Variants in NMNAT3 observed in about 807,000 individuals in gnomAD.
NMNAT3 encodes the protein nicotinamide nucleotide adenylyltransferase 3.
Under a neutral mutation model 24.8 loss-of-function variants are expected in NMNAT3, and 21 were observed. That is an observed-to-expected ratio of 0.85 (90% confidence interval 0.60 to 1.22). The LOEUF is 1.22. Ranked by LOEUF, NMNAT3 falls within the 50% of genes most tolerant of loss-of-function variation. NMNAT3 has a pLI of 0.00. For missense variants in NMNAT3, 387 were observed against 436.6 expected (o/e 0.89, Z 1.01); for synonymous variants, 136 against 155.2 (o/e 0.88, Z 0.92).
At chr3:139,599,549 A>G (rs1346108269) in intron 3 of NMNAT3, 1 of 609,620 alleles carries the variant, frequency 1.6e-6, no homozygotes. Context: ...GCATGTTAAG[A>G]AAAAACATAA....
At chr3:139,588,050 T>C (rs2054012592) in intron 3 of NMNAT3, among the ~76,000 whole-genome samples, 2 of 152,012 alleles carry the variant, frequency 1.3e-5, no homozygotes, top group African/African-American at 4.8e-5. Context: ...TCAATAAAAA[T>C]AACAATTTGA....
intron 3 of NMNAT3, among the ~76,000 whole-genome samples, chr3:139,624,983 G>A (rs1478560400): frequency 6.6e-6 from 1 of 152,066 alleles, no homozygotes; most frequent in Non-Finnish European, 1.5e-5. Context: ...ATTTCTCCTT[G>A]CAATTCTATA....
intron 6 of NMNAT3, among the ~76,000 whole-genome samples, chr3:139,573,270 TA>T (rs1243144380): frequency 6.6e-6 from 1 of 152,178 alleles, no homozygotes; most frequent in Non-Finnish European, 1.5e-5. Flanking sequence ...CTAAGGCTTT[TA>T]AAAGAAACCC....
chr3:139,631,308 C>T (rs537932921), intron 2 of NMNAT3, among the ~76,000 whole-genome samples: 32 of 152,192 alleles, frequency 2.1e-4, no homozygotes, highest in East Asian at 9.7e-4. Flanking sequence ...CCAAACCCAG[C>T]GAAATACAGT....
At chr3:139,611,866 A>T (rs999175023) in intron 3 of NMNAT3, among the ~76,000 whole-genome samples, 95 of 152,226 alleles carry the variant, frequency 6.2e-4, no homozygotes, top group Admixed American at 6.1e-3. Context: ...TGAGTCGATC[A>T]TAAAAAAACA....
intron 3 of NMNAT3, among the ~76,000 whole-genome samples, chr3:139,593,088 A>G (rs1431352519): frequency 1.3e-5 from 2 of 152,234 alleles, no homozygotes; most frequent in Non-Finnish European, 2.9e-5. Context: ...TCATGTGCAG[A>G]GACACACATA....
At chr3:139,583,879 C>T (rs533148004) in intron 3 of NMNAT3, among the ~76,000 whole-genome samples, 13 of 152,364 alleles carry the variant, frequency 8.5e-5, no homozygotes, top group African/African-American at 2.6e-4. Context: ...ACGGACCAGA[C>T]GGTATGATAT....
chr3:139,655,238 G>A (rs1004564934), intron 1 of NMNAT3, among the ~76,000 whole-genome samples: 9 of 152,214 alleles, frequency 5.9e-5, no homozygotes, highest in Non-Finnish European at 1.3e-4. Context: ...TATGCTCTAT[G>A]TTGACAAGGT....
chr3:139,571,865 G>A (rs1376930054), intron 6 of NMNAT3, among the ~76,000 whole-genome samples: 7 of 152,178 alleles, frequency 4.6e-5, no homozygotes, highest in Admixed American at 4.6e-4. Flanking sequence ...GTGCGAGGAT[G>A]GTGGCCTCAG....
At chr3:139,570,438 G>T (rs1938027659) in intron 6 of NMNAT3, 2 of 152,146 alleles carry the variant, frequency 1.3e-5, no homozygotes, top group Admixed American at 1.3e-4. Context: ...AGAGTTTCCA[G>T]TTTTTCTGCT....
chr3:139,666,440 A>G (rs999096789), intron 1 of NMNAT3, among the ~76,000 whole-genome samples: 18 of 152,190 alleles, frequency 1.2e-4, no homozygotes, highest in Non-Finnish European at 1.9e-4. Context: ...CCACTGAGTG[A>G]GAAAGCCTTT....
chr3:139,653,844 C>T (rs2057142089), intron 1 of NMNAT3, among the ~76,000 whole-genome samples: 2 of 152,306 alleles, frequency 1.3e-5, no homozygotes, highest in South Asian at 2.1e-4. Context: ...GAACCTGGGG[C>T]GTGGCAGCAT....
chr3:139,562,950 GA>G (rs2107981905), intron 6 of NMNAT3, among the ~76,000 whole-genome samples: 1 of 152,210 alleles, frequency 6.6e-6, no homozygotes, highest in African/African-American at 2.4e-5. Flanking sequence ...TAAGACTCTA[GA>G]GCCAGACACC....
intron 1 of NMNAT3, among the ~76,000 whole-genome samples, chr3:139,640,583 T>C (rs2056665252): frequency 6.6e-6 from 1 of 152,150 alleles, no homozygotes; most frequent in African/African-American, 2.4e-5. Flanking sequence ...TCCTGAAATA[T>C]CTGGGAAGGG....
chr3:139,589,284 T>C (rs2054068897), intron 3 of NMNAT3, among the ~76,000 whole-genome samples: 1 of 152,214 alleles, frequency 6.6e-6, no homozygotes, highest in Non-Finnish European at 1.5e-5. Flanking sequence ...AAATAAGACA[T>C]TCTATTTTCC....
At chr3:139,675,829 C>T (rs1477914240) in intron 1 of NMNAT3, among the ~76,000 whole-genome samples, 3 of 152,208 alleles carry the variant, frequency 2.0e-5, no homozygotes, top group African/African-American at 7.2e-5. Flanking sequence ...GAGGTAGACA[C>T]TACAACTATG....
chr3:139,596,894 C>T, intron 3 of NMNAT3, among the ~76,000 whole-genome samples: 1 of 114,216 alleles, frequency 8.8e-6, no homozygotes, highest in Non-Finnish European at 1.8e-5. Flanking sequence ...GATCTTTTTT[C>T]CACTATATTT....
chr3:139,591,059 G>C (rs9874428), intron 3 of NMNAT3, among the ~76,000 whole-genome samples: 1 of 151,710 alleles, frequency 6.6e-6, no homozygotes, highest in Non-Finnish European at 1.5e-5. Flanking sequence ...CTGAGGTACC[G>C]GGTTCATCTC....
chr3:139,629,395 T>G (rs1486097371), intron 2 of NMNAT3, among the ~76,000 whole-genome samples: 1 of 152,240 alleles, frequency 6.6e-6, no homozygotes, highest in Non-Finnish European at 1.5e-5. Context: ...TAAGATAGGC[T>G]TTATAAGTTA....
Sources: gnomAD v4.1 joint callset for allele counts (sites outside exome capture counted in the v4.1 genomes callset) on GRCh38, gnomAD v4.1.1 for gene constraint, MANE v1.5 for transcripts, NCBI Gene and HGNC (gene_info 2026-07-23, HGNC 2026-07-21) for gene names.